Variants in FABP12 observed in about 807,000 individuals in gnomAD.
The protein encoded by FABP12 is fatty acid-binding protein 12.
Under a neutral mutation model 13.7 loss-of-function variants are expected in FABP12, and 19 were observed. The ratio of observed to expected loss-of-function variants is 1.39; its 90% confidence interval spans 0.97 to 2.04. The LOEUF (loss-of-function observed/expected upper bound fraction) is 2.04, where lower values mean the gene tolerates loss of function less well. Among genes scored for constraint, FABP12 ranks in the 30% most tolerant of loss-of-function variants. The pLI is 0.00. For synonymous variants in FABP12, 61 were observed against 57.0 expected (o/e 1.07, Z -0.32); for missense variants, 182 against 164.2 (o/e 1.11, Z -0.59).
intron 4 of FABP12, among the ~76,000 whole-genome samples, chr8:81,525,529 A>ATAGATAGATAG (rs1554576046): frequency 2.7e-5 from 4 of 149,976 alleles, no homozygotes; most frequent in Admixed American, 1.3e-4. Flanking sequence ...AAAAAAAAAA[A>ATAGATAGATAG]ATAGATAGAT....
At chr8:81,541,087 A>G (rs992101438) in intron 1 of FABP12, among the ~76,000 whole-genome samples, 2 of 148,690 alleles carry the variant, frequency 1.3e-5, no homozygotes, top group African/African-American at 5.0e-5. Context: ...AACTGCTTGA[A>G]CCCGGGAGGT....
chr8:81,559,793 C>T (rs1809688949), intron 1 of FABP12, among the ~76,000 whole-genome samples: 1 of 152,110 alleles, frequency 6.6e-6, no homozygotes, highest in Admixed American at 6.6e-5. Flanking sequence ...CCACTGGATA[C>T]AAGAAGAGGT....
At chr8:81,557,367 T>C (rs182648142) in intron 1 of FABP12, among the ~76,000 whole-genome samples, 46 of 152,358 alleles carry the variant, frequency 3.0e-4, no homozygotes, top group African/African-American at 1.1e-3. Context: ...ATTTTCCCTT[T>C]AAGTATTTGT....
chr8:81,533,300 T>G (rs748543132), intron 1 of FABP12: 3 of 152,246 alleles, frequency 2.0e-5, no homozygotes, highest in Non-Finnish European at 4.4e-5. Context: ...GTGCCTCTTC[T>G]GTGATTGATG....
At chr8:81,560,823 T>C (rs987673800) in intron 1 of FABP12, among the ~76,000 whole-genome samples, 1 of 152,186 alleles carries the variant, frequency 6.6e-6, no homozygotes, top group African/African-American at 2.4e-5. Context: ...GCTGTGACAT[T>C]AAAGTCCATG....
At chr8:81,566,533 G>A (rs1324688257) in intron 1 of FABP12, among the ~76,000 whole-genome samples, 2 of 151,926 alleles carry the variant, frequency 1.3e-5, no homozygotes, top group Non-Finnish European at 2.9e-5. Context: ...CAATCAGTGT[G>A]GTACATCCTA....
chr8:81,532,659 A>T (rs1350369813), intron 1 of FABP12, among the ~76,000 whole-genome samples: 1 of 152,206 alleles, frequency 6.6e-6, no homozygotes, highest in Non-Finnish European at 1.5e-5. Flanking sequence ...TGTCTCTACT[A>T]AAAATACAAA....
At chr8:81,589,243 T>C (rs991991905) in intron 1 of FABP12, among the ~76,000 whole-genome samples, 2 of 152,104 alleles carry the variant, frequency 1.3e-5, no homozygotes, top group South Asian at 4.1e-4. Flanking sequence ...TTTTTTAAAA[T>C]GAACAGAAAT....
At chr8:81,535,835 G>T (rs190964174), upstream of FABP12, among the ~76,000 whole-genome samples, 141 of 152,154 alleles carry the variant, frequency 9.3e-4, no homozygotes, top group Non-Finnish European at 1.3e-3. Flanking sequence ...CTCAGATCTG[G>T]AATCTGAGCA....
chr8:81,587,732 G>A (rs1563560852), intron 1 of FABP12, among the ~76,000 whole-genome samples: 1 of 152,064 alleles, frequency 6.6e-6, no homozygotes, highest in South Asian at 2.1e-4. Context: ...CTAGGAGCCT[G>A]TATTAGTCAG....
At chr8:81,546,172 G>T (rs192548397) in intron 1 of FABP12, among the ~76,000 whole-genome samples, 1 of 152,304 alleles carries the variant, frequency 6.6e-6, no homozygotes, top group Admixed American at 6.5e-5. Context: ...TTTTGCTTAT[G>T]TCTCTGTTAT....
intron 1 of FABP12, among the ~76,000 whole-genome samples, chr8:81,578,160 C>T (rs1157138768): frequency 6.6e-6 from 1 of 152,222 alleles, no homozygotes; most frequent in Non-Finnish European, 1.5e-5. Flanking sequence ...CATAAGAATA[C>T]ACCAGATGTT....
chr8:81,550,957 T>A (rs1168420820), intron 1 of FABP12, among the ~76,000 whole-genome samples: 4 of 152,140 alleles, frequency 2.6e-5, no homozygotes, highest in Non-Finnish European at 5.9e-5. Context: ...ATTACATAAT[T>A]GTGAGGAAGG....
At position 81,587,144 on chromosome 8, in the gene FABP12, T is replaced by C. The variant is rs147117181; in HGVS notation, c.-185+2909A>G. Among the ~76,000 whole-genome samples, 414 of 152,288 alleles carry C rather than the reference T, an allele frequency of 2.7e-3. 3 individuals carry two copies. Among genetic ancestry groups the C allele is most frequent in the Non-Finnish European group, 3.9e-3 (263 of 68,022 alleles). On this transcript the variant is annotated intron_variant, in intron 1 of 5. Transcript: ENST00000692030. ...TTCTTGGTTCTCTGACTTGTTACATTGGTCTATGTGTCTGTTTTTGGACCA... is the reference window on the plus strand; with the variant it reads ...TTCTTGGTTCTCTGACTTGTTACATCGGTCTATGTGTCTGTTTTTGGACCA...
intron 1 of FABP12, among the ~76,000 whole-genome samples, chr8:81,541,744 G>A (rs532632248): frequency 6.6e-6 from 1 of 151,998 alleles, no homozygotes; most frequent in East Asian, 1.9e-4. Flanking sequence ...CTCCCATGCT[G>A]ACGATACTTG....
rs150520817 is a variant in FABP12 at position 81,566,604 on chromosome 8, A to T, written c.-185+23449T>A. ...TCAATTGATGCTAAAAAATCATTTA[A>T]TAAAATTCAAAATCCCTTCATGACC... On this transcript the variant is annotated intron_variant, in intron 1 of 5. Coordinates refer to the FABP12 transcript ENST00000692030. Among the ~76,000 whole-genome samples, 504 of 152,080 alleles carry T rather than the reference A, an allele frequency of 3.3e-3. 1 individual carries two copies. The Middle Eastern group carries it at 0.044, about 13-fold the overall frequency.
intron 1 of FABP12, among the ~76,000 whole-genome samples, chr8:81,567,132 A>G (rs530384575): frequency 1.7e-4 from 26 of 152,298 alleles, no homozygotes; most frequent in Admixed American, 1.6e-3. Context: ...ACTATAAACT[A>G]TTGATGAAAG....
At position 81,558,888 on chromosome 8, in the gene FABP12, A is replaced by C. The variant is rs1255470425; in HGVS notation, c.-184-19145T>G. Among the ~76,000 whole-genome samples, 5 of 57,552 alleles carry C rather than the reference A, an allele frequency of 8.7e-5. No homozygotes were observed. In the East Asian group the frequency reaches 3.2e-3, roughly 37 times the overall value. 37.8% of individuals were successfully genotyped at this position (57,552 alleles called of 152,430 possible). ...CTGGGGGACAAAGTAAGGCTCCATC[A>C]AAAAAAAAAAAAAAAAAAAAAAAGA... On this transcript the variant is annotated intron_variant, in intron 1 of 5. Transcript: ENST00000692030.
intron 1 of FABP12, among the ~76,000 whole-genome samples, chr8:81,541,436 G>T (rs1302683866): frequency 3.9e-5 from 6 of 152,096 alleles, no homozygotes; most frequent in Admixed American, 6.6e-5. Context: ...ATACATATCA[G>T]TTTCGATTAT....
Sources: gnomAD v4.1 joint callset for allele counts (sites outside exome capture counted in the v4.1 genomes callset) on GRCh38, gnomAD v4.1.1 for gene constraint, MANE v1.5 for transcripts, NCBI Gene and HGNC (gene_info 2026-07-23, HGNC 2026-07-21) for gene names.